ANKS1B: variants seen among roughly 807,000 people sequenced by gnomAD.
The protein encoded by ANKS1B is ankyrin repeat and sterile alpha motif domain containing 1B, also known as ankyrin repeat and sterile alpha motif domain-containing protein 1B.
ANKS1B carries 36 observed loss-of-function variants against 148.3 expected under a neutral mutation model. That is an observed-to-expected ratio of 0.24 (90% CI 0.19 to 0.32). The LOEUF (loss-of-function observed/expected upper bound fraction) is 0.32, where lower values mean the gene tolerates loss of function less well. ANKS1B is among the 10% of genes least tolerant of loss of function. The pLI is 1.00. For missense variants in ANKS1B, 1,157 were observed against 1,542.6 expected, an observed-to-expected ratio of 0.75 and a Z score of 4.19; for synonymous variants, 542 against 560.8, an observed-to-expected ratio of 0.97 and a Z score of 0.47.
chr12:99,907,298 G>A (rs1411701264), intron 1 of ANKS1B, among the ~76,000 whole-genome samples: 6 of 152,112 alleles, frequency 3.9e-5, no homozygotes, highest in African/African-American at 7.2e-5. Flanking sequence ...ACTCCCCAGC[G>A]TGCGCCCCTC....
chr12:99,255,867 T>C (rs891737371), intron 12 of ANKS1B, among the ~76,000 whole-genome samples: 2 of 152,226 alleles, frequency 1.3e-5, no homozygotes, highest in Non-Finnish European at 2.9e-5. Flanking sequence ...TTGCTTATAG[T>C]CAAGATCACT....
chr12:98,925,415 G>T (rs962964188), intron 17 of ANKS1B, among the ~76,000 whole-genome samples: 1 of 152,038 alleles, frequency 6.6e-6, no homozygotes, highest in African/African-American at 2.4e-5. Context: ...GATTCCCTAG[G>T]TGACTCATCA....
chr12:98,808,620 G>A (rs2099069379), intron 19 of ANKS1B, among the ~76,000 whole-genome samples: 1 of 152,050 alleles, frequency 6.6e-6, no homozygotes, highest in African/African-American at 2.4e-5. Flanking sequence ...CCATAATTCT[G>A]GCTCTCCCCC....
At chr12:98,824,658 C>T (rs2099232806) in intron 19 of ANKS1B, among the ~76,000 whole-genome samples, 1 of 152,164 alleles carries the variant, frequency 6.6e-6, no homozygotes, top group African/African-American at 2.4e-5. Flanking sequence ...ATCAGAATTC[C>T]AACCGAAGAA....
intron 8 of ANKS1B, among the ~76,000 whole-genome samples, chr12:99,669,910 G>A (rs78920336): frequency 0.021 from 3,253 of 152,158 alleles, 127 homozygotes; most frequent in African/African-American, 0.075. Context: ...CAGGCAAAAA[G>A]CTGGGTGATG....
intron 11 of ANKS1B, among the ~76,000 whole-genome samples, chr12:99,432,654 G>A (rs958753203): frequency 6.6e-6 from 1 of 152,132 alleles, no homozygotes; most frequent in Non-Finnish European, 1.5e-5. Context: ...GAATAAAGTG[G>A]TAGCTACTTT....
chr12:98,894,152 C>T (rs1177991101), intron 17 of ANKS1B, among the ~76,000 whole-genome samples: 1 of 152,198 alleles, frequency 6.6e-6, no homozygotes, highest in Non-Finnish European at 1.5e-5. Flanking sequence ...AGAGAGGGAG[C>T]ACACTCCACA....
chr12:99,192,642 A>T (rs2080887321), intron 14 of ANKS1B, among the ~76,000 whole-genome samples: 1 of 152,182 alleles, frequency 6.6e-6, no homozygotes, highest in South Asian at 2.1e-4. Flanking sequence ...GAGTGGTCAT[A>T]ATATCACATT....
chr12:98,979,135 C>G (rs1235247630), intron 17 of ANKS1B, among the ~76,000 whole-genome samples: 4 of 151,368 alleles, frequency 2.6e-5, no homozygotes, highest in African/African-American at 9.7e-5. Flanking sequence ...GAGCGAGACT[C>G]TGTCTCAAAA....
chr12:99,536,337 A>T (rs1293443447), intron 9 of ANKS1B, among the ~76,000 whole-genome samples: 1 of 152,192 alleles, frequency 6.6e-6, no homozygotes, highest in Non-Finnish European at 1.5e-5. Context: ...CAAGGGAGAT[A>T]TGGGAAATCT....
rs1359002997 is a variant in ANKS1B, at chr12:99,223,755, G to A, written c.2419+20587C>T. On this transcript the variant is annotated intron_variant, in intron 14 of 26. Transcript: ENST00000683438. ...TGACAGCAGTATAGCTGGCCTGTCT[G>A]CCTTCAGGCTTTCCACACTCCACAT... Among the ~76,000 whole-genome samples, 3 of 152,172 alleles carry A rather than the reference G, an allele frequency of 2.0e-5. No homozygotes were observed. The East Asian group carries it at 5.8e-4, about 29-fold the overall frequency.
chr12:99,868,906 A>G (rs2153725603), intron 1 of ANKS1B, among the ~76,000 whole-genome samples: 1 of 152,056 alleles, frequency 6.6e-6, no homozygotes, highest in Middle Eastern at 3.4e-3. Context: ...AACAATACAA[A>G]AATAGCCGGG....
At chr12:99,308,033 T>C (rs2082593909) in intron 12 of ANKS1B, among the ~76,000 whole-genome samples, 1 of 152,120 alleles carries the variant, frequency 6.6e-6, no homozygotes. Flanking sequence ...CTTCTGCTGA[T>C]AGCTGATTAA....
chr12:98,949,998 A>G (rs980420878), intron 17 of ANKS1B, among the ~76,000 whole-genome samples: 1 of 152,234 alleles, frequency 6.6e-6, no homozygotes, highest in Non-Finnish European at 1.5e-5. Flanking sequence ...ACCTATAGTT[A>G]CATGCATTGT....
chr12:99,840,469 T>C (rs2085542845), intron 1 of ANKS1B, among the ~76,000 whole-genome samples: 1 of 151,996 alleles, frequency 6.6e-6, no homozygotes, highest in African/African-American at 2.4e-5. Context: ...AAGAATAGTC[T>C]GAAGGGGAAA....
In ANKS1B at chr12:99,144,717, A is replaced by C. The variant is rs116583130; in HGVS notation, c.2526+9572T>G. On this transcript the variant is annotated intron_variant, in intron 15 of 26. Transcript: ENST00000683438. ...GGCCTTATTTGGAGATAGGGTCTTT[A>C]CAGACATAATCAAGTTAAAATGAGG... 4.3e-3 allele frequency among the ~76,000 whole-genome samples: 651 copies of C among 152,098 alleles called. 4 individuals carry two copies. Among genetic ancestry groups the C allele is most frequent in the African/African-American group, 0.015 (606 of 41,498 alleles).
intron 15 of ANKS1B, among the ~76,000 whole-genome samples, chr12:99,124,553 T>G (rs1303141054): frequency 2.0e-5 from 3 of 152,104 alleles, no homozygotes; most frequent in African/African-American, 7.2e-5. Flanking sequence ...CTTTATAGAT[T>G]TCAGAGTTCA....
At chr12:99,269,209 T>C (rs1476779215) in intron 12 of ANKS1B, among the ~76,000 whole-genome samples, 3 of 152,224 alleles carry the variant, frequency 2.0e-5, no homozygotes, top group Admixed American at 6.5e-5. Flanking sequence ...AGGCAGTTAG[T>C]TTTGACTATG....
intron 16 of ANKS1B, among the ~76,000 whole-genome samples, chr12:99,058,231 C>CTT (rs1032294121): frequency 0.017 from 2,059 of 124,580 alleles, 72 homozygotes; most frequent in African/African-American, 0.055. Flanking sequence ...CATGCCACAT[C>CTT]TTTTTTTTTT....
Sources: allele counts gnomAD v4.1 joint callset (sites outside exome capture counted in the v4.1 genomes callset), GRCh38; gene constraint gnomAD v4.1.1; transcripts MANE v1.5; gene names NCBI Gene and HGNC (gene_info 2026-07-23, HGNC 2026-07-21).